Variants in SRGAP3 observed in about 807,000 individuals in gnomAD.
SRGAP3 encodes SLIT-ROBO Rho GTPase activating protein 3, also known as SLIT-ROBO Rho GTPase-activating protein 3.
SRGAP3 carries 39 observed loss-of-function variants against 121.1 expected under a neutral mutation model. The ratio of observed to expected loss-of-function variants is 0.32; its 90% CI spans 0.25 to 0.42. The LOEUF (loss-of-function observed/expected upper bound fraction) is 0.42. Among genes scored for constraint, SRGAP3 ranks in the 10% least tolerant of loss-of-function variants. The pLI is 1.00. For synonymous variants in SRGAP3, 601 were observed against 570.0 expected, an observed-to-expected ratio of 1.05 and a Z score of -0.77; for missense variants, 1,213 against 1,470.6, an observed-to-expected ratio of 0.82 and a Z score of 2.86.
At chr3:9,343,520 ATATGTT>A (rs1955828868) in intron 1 of SRGAP3, among the ~76,000 whole-genome samples, 1 of 152,178 alleles carries the variant, frequency 6.6e-6, no homozygotes. Flanking sequence ...TAGAAGTCAT[ATATGTT>A]TATTGTAGAC....
chr3:8,997,899 G>C (rs1321750367), intron 18 of SRGAP3, among the ~76,000 whole-genome samples: 1 of 136,474 alleles, frequency 7.3e-6, no homozygotes, highest in African/African-American at 2.9e-5. Context: ...TCTTTTTCTT[G>C]AGACAGGGTC....
intron 1 of SRGAP3, among the ~76,000 whole-genome samples, chr3:9,360,620 T>C (rs1303612380): frequency 6.6e-6 from 1 of 152,156 alleles, no homozygotes; most frequent in Non-Finnish European, 1.5e-5. Context: ...GGCCTCACAA[T>C]CATGGTGGAA....
At chr3:9,312,073 CCA>C (rs1470591718) in intron 3 of SRGAP3, among the ~76,000 whole-genome samples, 1 of 152,200 alleles carries the variant, frequency 6.6e-6, no homozygotes, top group Non-Finnish European at 1.5e-5. Context: ...GCCACAGGAA[CCA>C]CAGTTTTCTT....
At chr3:9,120,902 A>G (rs1445121056) in intron 2 of SRGAP3, among the ~76,000 whole-genome samples, 1 of 152,182 alleles carries the variant, frequency 6.6e-6, no homozygotes, top group Non-Finnish European at 1.5e-5. Context: ...CCCTGAACAC[A>G]GCACAGTGCG....
intron 10 of SRGAP3, among the ~76,000 whole-genome samples, chr3:9,045,970 ATT>A (rs1945253621): frequency 6.6e-6 from 1 of 151,086 alleles, no homozygotes; most frequent in Non-Finnish European, 1.5e-5. Flanking sequence ...TTTCTCCTCC[ATT>A]CTCACTGTTT....
At position 9,197,923 on chromosome 3, in the gene SRGAP3, A is replaced by G. The variant is rs979102537; in HGVS notation, c.67+50962T>C. ...CTTTCCAAAACTTATTTGTCAAATT[A>G]CCCAATTTAGGTAGAATCTCTTTCT... On this transcript the variant is annotated intron_variant, in intron 1 of 21. Transcript: ENST00000383836. Among the ~76,000 whole-genome samples the G allele has an allele frequency of 3.9e-5, 6 of 152,362 alleles. No homozygotes were observed. In the East Asian group the frequency reaches 1.2e-3, roughly 29 times the overall value.
In SRGAP3 at chr3:9,060,366, G is replaced by A; in HGVS notation, c.673-7C>T. On this transcript the variant is annotated splice_polypyrimidine_tract_variant and splice_region_variant and intron_variant, in intron 5 of 21. Transcript: ENST00000383836. Reference sequence around the variant, plus strand: ...CAGAGTACTTGGCCTGCCTCTGGAAGAAGAAAAGAGTAGATGTAAGAGCAA... The same window carrying A: ...CAGAGTACTTGGCCTGCCTCTGGAAAAAGAAAAGAGTAGATGTAAGAGCAA... 2 of 1,596,214 alleles carry A rather than the reference G, an allele frequency of 1.3e-6. No homozygotes were observed. The highest frequency in any genetic ancestry group is 2.3e-5 in the East Asian group (1 of 43,932).
At chr3:9,286,705 C>T (rs1954780390) in intron 3 of SRGAP3, among the ~76,000 whole-genome samples, 1 of 150,932 alleles carries the variant, frequency 6.6e-6, no homozygotes, top group Admixed American at 6.6e-5. Flanking sequence ...CGGGTTCCCG[C>T]CATTCTCCTG....
At chr3:9,319,907 TC>T (rs1269285936) in intron 3 of SRGAP3, among the ~76,000 whole-genome samples, 1 of 151,782 alleles carries the variant, frequency 6.6e-6, no homozygotes, top group Non-Finnish European at 1.5e-5. Context: ...AAGCCCCGAG[TC>T]AAAAGCATGT....
intron 3 of SRGAP3, among the ~76,000 whole-genome samples, chr3:9,263,198 T>C (rs542021022): frequency 2.6e-5 from 4 of 152,248 alleles, no homozygotes; most frequent in African/African-American, 7.2e-5. Context: ...TACCAGAATC[T>C]CTGGGACACA....
intron 1 of SRGAP3, among the ~76,000 whole-genome samples, chr3:9,146,174 C>T (rs774955244): frequency 9.2e-5 from 14 of 152,206 alleles, no homozygotes; most frequent in Non-Finnish European, 1.3e-4. Flanking sequence ...CAATCGAGCT[C>T]CTTCCATCAA....
intron 3 of SRGAP3, among the ~76,000 whole-genome samples, chr3:9,290,389 G>C (rs370063249): frequency 9.2e-5 from 14 of 152,272 alleles, no homozygotes; most frequent in African/African-American, 3.4e-4. Context: ...GATGTTGTTT[G>C]GTTACATAGG....
At chr3:9,028,021 T>C in intron 12 of SRGAP3, 1 of 1,546,348 alleles carries the variant, frequency 6.5e-7, no homozygotes, top group Admixed American at 1.7e-5. Context: ...ACAGGCAAGG[T>C]GGGCTCTGTT....
intron 1 of SRGAP3, among the ~76,000 whole-genome samples, chr3:9,135,927 G>C (rs1949629312): frequency 6.6e-6 from 1 of 152,234 alleles, no homozygotes; most frequent in African/African-American, 2.4e-5. Flanking sequence ...TGTTAAAAGG[G>C]TGAGGGGTGG....
At chr3:9,018,177 C>T (rs1274369753) in intron 14 of SRGAP3, among the ~76,000 whole-genome samples, 8 of 152,208 alleles carry the variant, frequency 5.3e-5, no homozygotes, top group Non-Finnish European at 1.2e-4. Flanking sequence ...CTGCAAATGA[C>T]ATGATTTCAT....
intron 1 of SRGAP3, among the ~76,000 whole-genome samples, chr3:9,148,592 A>G (rs1950103778): frequency 6.6e-6 from 1 of 152,142 alleles, no homozygotes; most frequent in Non-Finnish European, 1.5e-5. Context: ...TATTTTTTTG[A>G]AATCCATTTG....
chr3:9,292,697 G>A (rs1337807131), intron 3 of SRGAP3: 1 of 152,082 alleles, frequency 6.6e-6, no homozygotes, highest in African/African-American at 2.4e-5. Flanking sequence ...AAAGAAACCT[G>A]ATGTTTTCTT....
In SRGAP3 at chr3:9,347,429, A is replaced by G. The variant is rs554862546; in HGVS notation, n.214+15411T>C. 3.3e-5 allele frequency among the ~76,000 whole-genome samples: 5 copies of G among 152,306 alleles called. No individual in the cohort carries two copies. In the East Asian group the frequency reaches 9.6e-4, roughly 29 times the overall value. Reference sequence around the variant, plus strand: ...TTTTCAAACACTGATCTTACATTACAGAAGAATATATGCAGGACTCTGTTA... The same window carrying G: ...TTTTCAAACACTGATCTTACATTACGGAAGAATATATGCAGGACTCTGTTA... On this transcript the variant is annotated intron_variant and non_coding_transcript_variant, in intron 1 of 3. Transcript: ENST00000490889.
intron 3 of SRGAP3, among the ~76,000 whole-genome samples, chr3:9,283,769 C>T (rs893490378): frequency 2.0e-5 from 3 of 152,076 alleles, no homozygotes; most frequent in Non-Finnish European, 2.9e-5. Flanking sequence ...TTTTTTAAAA[C>T]TCATAATGAG....
Sources: allele counts gnomAD v4.1 joint callset (sites outside exome capture counted in the v4.1 genomes callset), GRCh38; gene constraint gnomAD v4.1.1; transcripts MANE v1.5; gene names NCBI Gene and HGNC (gene_info 2026-07-23, HGNC 2026-07-21).